CCDC170: variants seen among roughly 807,000 people sequenced by gnomAD.
The protein encoded by CCDC170 is coiled-coil domain containing 170.
In CCDC170, 69 loss-of-function variants were observed where a neutral mutation model predicts 72.6. That is an observed-to-expected ratio of 0.95 (90% CI 0.78 to 1.16). The LOEUF is 1.16. Ranked by LOEUF, CCDC170 falls within the 50% of genes most tolerant of loss-of-function variation. The pLI is 0.00. For synonymous variants in CCDC170, 300 were observed against 303.9 expected, an observed-to-expected ratio of 0.99 and a Z score of 0.13; for missense variants, 852 against 832.5, an observed-to-expected ratio of 1.02 and a Z score of -0.29.
At chr6:151,576,579 C>A (rs1342390684) in intron 6 of CCDC170, among the ~76,000 whole-genome samples, 1 of 152,062 alleles carries the variant, frequency 6.6e-6, no homozygotes, top group Non-Finnish European at 1.5e-5. Context: ...TTCTCCCACT[C>A]CCCATAAAAA....
chr6:151,597,639 A>G (rs1776645805), intron 9 of CCDC170, among the ~76,000 whole-genome samples: 1 of 152,222 alleles, frequency 6.6e-6, no homozygotes, highest in South Asian at 2.1e-4. Context: ...CCAGTGGAGA[A>G]GGTCACCAGA....
intron 9 of CCDC170, among the ~76,000 whole-genome samples, chr6:151,608,923 G>A (rs1403492667): frequency 3.3e-5 from 5 of 152,340 alleles, no homozygotes; most frequent in Non-Finnish European, 5.9e-5. Context: ...GTGGTCTCCT[G>A]TAGCTAACTT....
intron 5 of CCDC170, among the ~76,000 whole-genome samples, chr6:151,549,085 T>C (rs1721346163): frequency 6.6e-6 from 1 of 152,098 alleles, no homozygotes; most frequent in African/African-American, 2.4e-5. Context: ...TTTTGTATTT[T>C]TAGTAGAGAT....
intron 9 of CCDC170, among the ~76,000 whole-genome samples, chr6:151,603,870 C>T (rs963604087): frequency 1.3e-5 from 2 of 152,188 alleles, no homozygotes; most frequent in African/African-American, 4.8e-5. Context: ...CTTATGTCTC[C>T]ATTGGCCAGA....
intron 1 of CCDC170, among the ~76,000 whole-genome samples, chr6:151,503,404 C>T (rs1018054764): frequency 6.6e-5 from 10 of 152,076 alleles, no homozygotes; most frequent in Admixed American, 2.6e-4. Context: ...ACAGCAAGAG[C>T]GGTGCCAGGC....
chr6:151,544,686 CAA>C lies in CCDC170; in HGVS notation c.559_560del (p.Lys187GlyfsTer4), dbSNP rs754763079. The C allele has an allele frequency of 1.4e-5, 23 of 1,612,446 alleles. No individual in the cohort carries two copies. In the African/African-American group the frequency reaches 2.9e-4, roughly 21 times the overall value. On this transcript the variant is annotated frameshift_variant, in exon 4 of 11. Coordinates refer to ENST00000239374, the MANE Select transcript of CCDC170 (RefSeq NM_025059.4). LOFTEE classifies it high-confidence loss of function. The stretch of plus-strand genomic sequence containing the variant: ...GCTTGGATCCAGATGAGAGGAATGA[CAA>C]GGCATCAGATGAAGATTTAATTTTA... ...DCLDPDERND[K>X]ASDEDLILKL...
intron 1 of CCDC170, among the ~76,000 whole-genome samples, chr6:151,527,585 T>C (rs1782429870): frequency 6.6e-6 from 1 of 152,102 alleles, no homozygotes; most frequent in South Asian, 2.1e-4. Context: ...AGAAACTTTA[T>C]GTAGTGAGAA....
chr6:151,618,979 C>A lies in CCDC170; in HGVS notation c.*832C>A, dbSNP rs1842709. Reference sequence around the variant, plus strand: ...TTGTGCCACTGCACTCCAGCCTGGGCGACAGAGTGAAACTACATCTCAGAA... The same window carrying A: ...TTGTGCCACTGCACTCCAGCCTGGGAGACAGAGTGAAACTACATCTCAGAA... On this transcript the variant is annotated 3_prime_UTR_variant, in exon 11 of 11. Transcript: ENST00000239374. The A allele has an allele frequency of 2.7e-5, 3 of 112,788 alleles. No individual in the cohort carries two copies. Among genetic ancestry groups the A allele is most frequent in the African/African-American group, 6.8e-5 (2 of 29,246 alleles). The allele number at this position is 112,788 out of a possible 1,614,324, so 7.0% of individuals were successfully genotyped here. A position where few individuals can be genotyped will look rare whatever the true frequency, so the allele number is the denominator to read the frequency against.
chr6:151,520,530 A>G lies in CCDC170; in HGVS notation c.58-15788A>G, dbSNP rs567672611. ...AAATAAAGATAACAACACTTTCCCA[A>G]AACAAACCTCCTTCTTGCCTGGGGA... On this transcript the variant is annotated intron_variant, in intron 1 of 10. Coordinates refer to ENST00000239374, the MANE Select transcript of CCDC170 (RefSeq NM_025059.4). Among the ~76,000 whole-genome samples, 29 of 152,362 alleles carry G rather than the reference A, an allele frequency of 1.9e-4. No individual in the cohort carries two copies. In the South Asian group the frequency reaches 6.0e-3, roughly 32 times the overall value.
chr6:151,528,891 C>T (rs1782451138), intron 1 of CCDC170, among the ~76,000 whole-genome samples: 1 of 151,708 alleles, frequency 6.6e-6, no homozygotes, highest in Non-Finnish European at 1.5e-5. Context: ...AAAAGTCTAC[C>T]TTACAACCAA....
intron 1 of CCDC170, among the ~76,000 whole-genome samples, chr6:151,509,046 T>C (rs1489488244): frequency 6.6e-6 from 1 of 151,106 alleles, no homozygotes; most frequent in East Asian, 1.9e-4. Flanking sequence ...CAAAAATAAA[T>C]ATTACATCTT....
chr6:151,502,608 T>C (rs1782007656), intron 1 of CCDC170, among the ~76,000 whole-genome samples: 1 of 152,238 alleles, frequency 6.6e-6, no homozygotes, highest in African/African-American at 2.4e-5. Flanking sequence ...AAGAAATGGA[T>C]AGTTGAACAC....
chr6:151,572,654 T>TTTTGTTTTG (rs1776237946), intron 5 of CCDC170, among the ~76,000 whole-genome samples: 1 of 29,638 alleles, frequency 3.4e-5, no homozygotes, highest in African/African-American at 9.3e-5. Flanking sequence ...TCTGTGTTTT[T>TTTTGTTTTG]TTTTTTTTTT....
chr6:151,521,855 A>T (rs1381650698), intron 1 of CCDC170, among the ~76,000 whole-genome samples: 2 of 152,038 alleles, frequency 1.3e-5, no homozygotes, highest in Non-Finnish European at 2.9e-5. Flanking sequence ...GCGTGGTGGC[A>T]GGCCCCTGTA....
At chr6:151,564,788 G>A (rs1359470462) in intron 5 of CCDC170, among the ~76,000 whole-genome samples, 4 of 152,304 alleles carry the variant, frequency 2.6e-5, no homozygotes, top group South Asian at 2.1e-4. Flanking sequence ...CATGCACTGC[G>A]GTGGGGGTAG....
At chr6:151,594,561 C>T (rs1396891349) in intron 8 of CCDC170, among the ~76,000 whole-genome samples, 2 of 151,986 alleles carry the variant, frequency 1.3e-5, no homozygotes, top group African/African-American at 4.8e-5. Context: ...GTGTCCAACA[C>T]CATTACTTCT....
chr6:151,611,569 C>A (rs1776871279), intron 9 of CCDC170, among the ~76,000 whole-genome samples: 1 of 152,120 alleles, frequency 6.6e-6, no homozygotes, highest in African/African-American at 2.4e-5. Flanking sequence ...TAAGCAACTT[C>A]CAGAGGTCCC....
intron 7 of CCDC170, among the ~76,000 whole-genome samples, chr6:151,587,225 C>T (rs777554222): frequency 1.3e-4 from 19 of 151,932 alleles, no homozygotes; most frequent in Admixed American, 3.9e-4. Context: ...ACTGAGGATT[C>T]GAATGTGGGG....
intron 5 of CCDC170, among the ~76,000 whole-genome samples, chr6:151,552,941 T>C (rs1370987082): frequency 6.6e-6 from 1 of 151,754 alleles, no homozygotes; most frequent in Non-Finnish European, 1.5e-5. Flanking sequence ...CACGTGCCAC[T>C]ATGCTTGGCT....
Sources: gnomAD v4.1 joint callset for allele counts (sites outside exome capture counted in the v4.1 genomes callset) on GRCh38, gnomAD v4.1.1 for gene constraint, MANE v1.5 for transcripts, NCBI Gene and HGNC (gene_info 2026-07-23, HGNC 2026-07-21) for gene names.